The following PIK3C2G variants were observed in gnomAD, a reference collection of about 807,000 sequenced individuals.
PIK3C2G encodes the protein phosphatidylinositol 3-kinase C2 domain-containing subunit gamma.
In PIK3C2G, 168 loss-of-function variants were observed where a neutral mutation model predicts 181.1. The ratio of observed to expected loss-of-function variants is 0.93; its 90% CI spans 0.82 to 1.05. The LOEUF (loss-of-function observed/expected upper bound fraction) is 1.05. Among genes scored for constraint, PIK3C2G ranks in the 50% least tolerant of loss-of-function variants. The pLI, the probability that PIK3C2G is intolerant of heterozygous loss-of-function variation, is 0.00. For missense variants in PIK3C2G, 1,869 were observed against 1,732.8 expected, an observed-to-expected ratio of 1.08 and a Z score of -1.40; for synonymous variants, 573 against 592.2, an observed-to-expected ratio of 0.97 and a Z score of 0.47.
At chr12:18,432,258 A>T (rs921540265) in intron 18 of PIK3C2G, among the ~76,000 whole-genome samples, 3 of 152,200 alleles carry the variant, frequency 2.0e-5, no homozygotes, top group Non-Finnish European at 4.4e-5. Context: ...GCATCAATGT[A>T]TCACTGGTTT....
intron 5 of PIK3C2G, among the ~76,000 whole-genome samples, chr12:18,306,750 CTTAG>C (rs942503191): frequency 1.3e-5 from 2 of 151,960 alleles, no homozygotes; most frequent in Non-Finnish European, 2.9e-5. Context: ...ACATTTCTGA[CTTAG>C]TTATCCCAAA....
chr12:18,368,209 G>GT (rs1736136839), intron 12 of PIK3C2G, among the ~76,000 whole-genome samples: 1 of 152,092 alleles, frequency 6.6e-6, no homozygotes, highest in Admixed American at 6.5e-5. Flanking sequence ...CAAGGAATGT[G>GT]TTTTTTACAA....
the PIK3C2G span, chr12:18,692,752 G>T: frequency 5.1e-6 from 6 of 1,172,494 alleles, no homozygotes; most frequent in Non-Finnish European, 7.6e-6. Flanking sequence ...GCTCTCCCAG[G>T]CCAAGGCAAG....
At chr12:18,647,495 A>G (rs1950204580) in intron 32 of PIK3C2G, among the ~76,000 whole-genome samples, 1 of 152,088 alleles carries the variant, frequency 6.6e-6, no homozygotes, top group Non-Finnish European at 1.5e-5. Context: ...TTAACCTTCA[A>G]CACAGAAGAA....
chr12:18,440,676 T>C (rs1231941769), intron 18 of PIK3C2G, among the ~76,000 whole-genome samples: 1 of 151,846 alleles, frequency 6.6e-6, no homozygotes, highest in Non-Finnish European at 1.5e-5. Context: ...TGGGTTAACT[T>C]GAATGAGGGG....
At chr12:18,357,564 C>T (rs1431123101) in intron 11 of PIK3C2G, among the ~76,000 whole-genome samples, 1 of 152,106 alleles carries the variant, frequency 6.6e-6, no homozygotes, top group Non-Finnish European at 1.5e-5. Flanking sequence ...GAAGTTTATA[C>T]AAAAATCTAG....
intron 26 of PIK3C2G, among the ~76,000 whole-genome samples, chr12:18,550,370 T>TA (rs1944662461): frequency 6.6e-6 from 1 of 152,076 alleles, no homozygotes. Context: ...GAACTCTAAA[T>TA]AACAGGATAC....
At chr12:18,685,785 A>G in the PIK3C2G span, 1 of 357,538 alleles carries the variant, frequency 2.8e-6, no homozygotes, top group Admixed American at 2.9e-5. Context: ...TTCATTACAC[A>G]TGTGCCTCTG....
upstream of PIK3C2G, among the ~76,000 whole-genome samples, chr12:18,245,541 A>AT (rs1948031158): frequency 6.6e-6 from 1 of 152,066 alleles, no homozygotes; most frequent in African/African-American, 2.4e-5. Context: ...AATGTCTTCC[A>AT]TTTTTCAATG....
In PIK3C2G at chr12:18,574,531, T is replaced by G. The variant is rs1592621696; in HGVS notation, c.4011+7474T>G. The stretch of plus-strand genomic sequence containing the variant: ...TTAGAATACTAAAAACCCCCTCCTT[T>G]TTCCCTCCCCATACCACTGCCCCAA... On this transcript the variant is annotated intron_variant, in intron 29 of 32. Transcript: ENST00000538779. Among the ~76,000 whole-genome samples, 3 of 152,274 alleles carry G rather than the reference T, an allele frequency of 2.0e-5. No individual in the cohort carries two copies. In the East Asian group the frequency reaches 5.8e-4, roughly 29 times the overall value.
chr12:18,365,125 C>T (rs1941547404), intron 12 of PIK3C2G, among the ~76,000 whole-genome samples: 1 of 152,164 alleles, frequency 6.6e-6, no homozygotes, highest in Admixed American at 6.5e-5. Context: ...CCAGTTCCCA[C>T]AACCAGAAAG....
chr12:18,438,875 T>G (rs984151019), intron 18 of PIK3C2G, among the ~76,000 whole-genome samples: 2 of 151,852 alleles, frequency 1.3e-5, no homozygotes, highest in African/African-American at 4.8e-5. Context: ...CTTAACACAG[T>G]TTTTATTAAA....
At chr12:18,576,578 AAC>A (rs1946242087) in intron 29 of PIK3C2G, among the ~76,000 whole-genome samples, 1 of 152,214 alleles carries the variant, frequency 6.6e-6, no homozygotes, top group Admixed American at 6.5e-5. Flanking sequence ...AATTGTTGAA[AAC>A]ACTGTTAACA....
At chr12:18,495,375 G>C (rs1025713594) in intron 20 of PIK3C2G, among the ~76,000 whole-genome samples, 1 of 152,022 alleles carries the variant, frequency 6.6e-6, no homozygotes, top group Admixed American at 6.6e-5. Context: ...CAAATGGAAG[G>C]TGTAATTACT....
chr12:18,410,034 A>G (rs574625169), intron 16 of PIK3C2G, among the ~76,000 whole-genome samples: 1 of 152,134 alleles, frequency 6.6e-6, no homozygotes, highest in Non-Finnish European at 1.5e-5. Context: ...ACCTCCCACA[A>G]GGCCCTACCT....
intron 29 of PIK3C2G, among the ~76,000 whole-genome samples, chr12:18,580,002 G>A (rs528650323): frequency 1.1e-3 from 174 of 151,850 alleles, no homozygotes; most frequent in Non-Finnish European, 2.2e-3. Flanking sequence ...GCGTGGTGGC[G>A]CGCACCTGTA....
At chr12:18,609,283 T>C (rs114029400) in intron 30 of PIK3C2G, among the ~76,000 whole-genome samples, 2,404 of 152,138 alleles carry the variant, frequency 0.016, 65 homozygotes, top group African/African-American at 0.055. Context: ...AAGCTTAAGT[T>C]GTTGAGAAAA....
chr12:18,647,949 T>C lies in PIK3C2G; in HGVS notation c.4382T>C (p.Val1461Ala), dbSNP rs369825849. The C allele has an allele frequency of 8.7e-6, 14 of 1,601,846 alleles. No individual in the cohort carries two copies. Among genetic ancestry groups the C allele is most frequent in the Non-Finnish European group, 1.2e-5 (14 of 1,172,362 alleles). Residue 1461 changes from valine (V) to alanine (A), a missense_variant, in exon 33 of 33, where the codon GTG (valine) becomes GCG (alanine). Coordinates refer to ENST00000538779, the MANE Select transcript of PIK3C2G (RefSeq NM_001288772.2). ...ATTGTGAAGAGTAAAACTGTATTTG[T>C]GGGAGCAATTAACATCCGACTCTGT... is the stretch of plus-strand genomic sequence containing the variant. ...MLIVKSKTVF[V>A]GAINIRLCSV...
intron 29 of PIK3C2G, among the ~76,000 whole-genome samples, chr12:18,574,080 T>C (rs548178229): frequency 4.4e-4 from 67 of 152,294 alleles, no homozygotes; most frequent in African/African-American, 1.6e-3. Flanking sequence ...TACTGTTAGG[T>C]TCTCATATCA....
Sources: allele counts gnomAD v4.1 joint callset (sites outside exome capture counted in the v4.1 genomes callset), GRCh38; gene constraint gnomAD v4.1.1; transcripts MANE v1.5; gene names NCBI Gene and HGNC (gene_info 2026-07-23, HGNC 2026-07-21).